Variants in FAM193B observed in about 807,000 individuals in gnomAD.
FAM193B encodes protein FAM193B.
A neutral mutation model predicts 70.7 loss-of-function variants in FAM193B; 27 were observed. The observed-to-expected ratio is 0.38, with a 90% CI of 0.28 to 0.53. The LOEUF is 0.53. FAM193B is among the 20% of genes least tolerant of loss of function. FAM193B has a pLI of 0.81. For missense variants in FAM193B, 1,022 were observed against 1,072.5 expected (o/e 0.95, Z 0.66); for synonymous variants, 448 against 436.0 (o/e 1.03, Z -0.34).
intron 1 of FAM193B, among the ~76,000 whole-genome samples, chr5:177,552,329 G>A (rs1183869552): frequency 6.6e-6 from 1 of 152,234 alleles, no homozygotes; most frequent in African/African-American, 2.4e-5. Flanking sequence ...GAGGTGGGAA[G>A]ATTAGAAGTA....
intron 1 of FAM193B, among the ~76,000 whole-genome samples, chr5:177,551,442 A>G (rs886693303): frequency 3.9e-5 from 6 of 152,332 alleles, no homozygotes; most frequent in South Asian, 2.1e-4. Flanking sequence ...CCTGCTTTAA[A>G]TGTGTACAGG....
At position 177,538,813 on chromosome 5, in the gene FAM193B, C is replaced by A; in HGVS notation, c.453+92G>T. On this transcript the variant is annotated intron_variant, in intron 2 of 8. Coordinates refer to ENST00000514747, the MANE Select transcript of FAM193B (RefSeq NM_001190946.3). The surrounding 1 kb of genome is among the most constrained non-coding windows in gnomAD (Gnocchi z 4.1). ...TCTCAGTGCCTGGGCATGGGAGCTGCCCAAGGAGAGCCACCTGAGGACAGG... is the reference window on the plus strand; with the variant it reads ...TCTCAGTGCCTGGGCATGGGAGCTGACCAAGGAGAGCCACCTGAGGACAGG... 1.3e-6 allele frequency: 2 copies of A among 1,541,234 alleles called. No homozygotes were observed. Among genetic ancestry groups the A allele is most frequent in the South Asian group, 1.2e-5 (1 of 82,020 alleles).
At chr5:177,550,608 C>T (rs1766085432) in intron 1 of FAM193B, among the ~76,000 whole-genome samples, 1 of 152,178 alleles carries the variant, frequency 6.6e-6, no homozygotes, top group Non-Finnish European at 1.5e-5. Flanking sequence ...CACCTCTCCT[C>T]ACCAACTGCT....
At chr5:177,540,017 A>G (rs1764655141) in intron 1 of FAM193B, among the ~76,000 whole-genome samples, 1 of 151,968 alleles carries the variant, frequency 6.6e-6, no homozygotes, top group African/African-American at 2.4e-5. Context: ...GCTTAGAAAT[A>G]TAACTCAGGC....
chr5:177,521,838 G>T, intron 8 of FAM193B, 136 bp downstream of exon 8: 1 of 667,604 alleles, frequency 1.5e-6, no homozygotes, highest in Non-Finnish European at 2.7e-6. Context: ...CTGTGAAGAT[G>T]CAGACAGAAG....
chr5:177,525,917 T>C (rs945688602), intron 5 of FAM193B, among the ~76,000 whole-genome samples: 2 of 151,742 alleles, frequency 1.3e-5, no homozygotes, highest in African/African-American at 4.9e-5. Flanking sequence ...CTGTGGGATC[T>C]CAGTCACCCC....
rs140996380 is a variant in FAM193B, at chr5:177,538,154, G to A, written c.454-47C>T. The A allele has an allele frequency of 1.2e-4, 174 of 1,489,078 alleles. No individual in the cohort carries two copies. Among genetic ancestry groups the A allele is most frequent in the African/African-American group, 2.8e-4 (20 of 71,570 alleles). 92.2% of individuals were successfully genotyped at this position (1,489,078 alleles called of 1,614,324 possible). Reference sequence around the variant, plus strand: ...GGCTCACGGTCAAACAGCAAACATCGGAGCTGACCCTCTGCTGCCTCAGCT... The same window carrying A: ...GGCTCACGGTCAAACAGCAAACATCAGAGCTGACCCTCTGCTGCCTCAGCT... On this transcript the variant is annotated intron_variant, in intron 2 of 8. Transcript: ENST00000514747. This position sits in a 1 kb window ranked among gnomAD's most constrained non-coding sequence, Gnocchi z 4.1.
chr5:177,554,192 C>A, intron 1 of FAM193B, 57 bp downstream of exon 1: 1 of 1,478,932 alleles, frequency 6.8e-7, no homozygotes, highest in Non-Finnish European at 9.0e-7. Flanking sequence ...CACTCCCGCT[C>A]CCGCTCGGGG....
In FAM193B at chr5:177,541,481, C is replaced by T. The variant is rs146777751; in HGVS notation, c.211-2334G>A. 1.8e-3 allele frequency among the ~76,000 whole-genome samples: 268 copies of T among 152,114 alleles called. 1 individual carries two copies. The highest frequency in any genetic ancestry group is 6.0e-3 in the African/African-American group (248 of 41,498). On this transcript the variant is annotated intron_variant, in intron 1 of 8. Coordinates refer to ENST00000514747, the MANE Select transcript of FAM193B (RefSeq NM_001190946.3). ...TCGCCCAGGCTGGAGTGCAGTGGTA[C>T]GATCTCGGCTCACTGCAAGCTCCGC...
chr5:177,537,683 C>T (rs1764334521), intron 3 of FAM193B, among the ~76,000 whole-genome samples, 190 bp downstream of exon 3: 1 of 152,202 alleles, frequency 6.6e-6, no homozygotes. Context: ...CAGTATTTTT[C>T]AAGTTCAGAG....
intron 5 of FAM193B, among the ~76,000 whole-genome samples, chr5:177,527,241 TG>T (rs1156783969): frequency 7.1e-6 from 1 of 141,612 alleles, no homozygotes; most frequent in Non-Finnish European, 1.5e-5. Flanking sequence ...CCAGATTTTT[TG>T]GGGGATGTGG....
chr5:177,534,232 G>A (rs930937339), intron 4 of FAM193B, among the ~76,000 whole-genome samples: 28 of 152,114 alleles, frequency 1.8e-4, no homozygotes, highest in African/African-American at 6.5e-4. Flanking sequence ...ATTATCAGTG[G>A]TGCTTACAGA....
At chr5:177,550,133 A>C (rs891174218) in intron 1 of FAM193B, among the ~76,000 whole-genome samples, 4 of 152,146 alleles carry the variant, frequency 2.6e-5, no homozygotes, top group African/African-American at 9.7e-5. Flanking sequence ...TGGGCAACAT[A>C]GCAAGATCCT....
chr5:177,552,618 A>C (rs928908335), intron 1 of FAM193B, among the ~76,000 whole-genome samples: 1 of 152,192 alleles, frequency 6.6e-6, no homozygotes, highest in Non-Finnish European at 1.5e-5. Flanking sequence ...CTTTTTGGAT[A>C]ACAGCACTCC....
intron 7 of FAM193B, among the ~76,000 whole-genome samples, chr5:177,522,527 A>G (rs1414125468): frequency 6.6e-6 from 1 of 151,928 alleles, no homozygotes; most frequent in African/African-American, 2.4e-5. Context: ...TAAATAAGAG[A>G]TAGGGTCTCA....
chr5:177,546,370 T>A (rs1765425583), intron 1 of FAM193B, among the ~76,000 whole-genome samples: 1 of 152,254 alleles, frequency 6.6e-6, no homozygotes, highest in Non-Finnish European at 1.5e-5. Flanking sequence ...GTGTGGACCT[T>A]GGTCATTTAA....
intron 5 of FAM193B, among the ~76,000 whole-genome samples, chr5:177,528,566 A>G (rs1183036371): frequency 6.6e-6 from 1 of 152,212 alleles, no homozygotes; most frequent in Non-Finnish European, 1.5e-5. Flanking sequence ...TAGGCGGGAA[A>G]AGGGTGACTC....
intron 1 of FAM193B, among the ~76,000 whole-genome samples, chr5:177,545,508 A>G (rs182148561): frequency 6.6e-6 from 1 of 152,200 alleles, no homozygotes; most frequent in Non-Finnish European, 1.5e-5. Context: ...TAAACAACAC[A>G]AACAAAAGCT....
Position 177,538,951 on chromosome 5 carries a change from C to A in FAM193B, c.407G>T (p.Ser136Ile). 6.2e-7 allele frequency: 1 copy of A among 1,614,072 alleles called. No homozygotes were observed. The highest frequency in any genetic ancestry group is 8.5e-7 in the Non-Finnish European group (1 of 1,179,916). ...PLWVCQSCRK[S>I]MEEDERQTGR... ...TGTCTGCCTTTCATCTTCCTCCATG[C>A]TCTTTCGGCAACTCTGGCAGACCCA... Residue 136 changes from serine (S) to isoleucine (I), a missense_variant, in exon 2 of 9, where the codon AGC (serine) becomes ATC (isoleucine). Transcript: ENST00000514747. The surrounding 1 kb of genome is among the most constrained non-coding windows in gnomAD (Gnocchi z 4.1).
Sources: allele counts gnomAD v4.1 joint callset (sites outside exome capture counted in the v4.1 genomes callset), GRCh38; gene constraint gnomAD v4.1.1; non-coding constraint Gnocchi (gnomAD v3.1); transcripts MANE v1.5; gene names NCBI Gene and HGNC (gene_info 2026-07-23, HGNC 2026-07-21).